Variants in SLC14A2 observed in about 807,000 individuals in gnomAD.
The protein encoded by SLC14A2 is urea transporter 2.
Under a neutral mutation model 104.6 loss-of-function variants are expected in SLC14A2, and 91 were observed. That is an observed-to-expected ratio of 0.87 (90% CI 0.73 to 1.04). The LOEUF is 1.04. Among genes scored for constraint, SLC14A2 ranks in the 50% least tolerant of loss-of-function variants. The probability of loss-of-function intolerance (pLI) is 0.00; values close to 1 mark genes in which losing one functional copy is unlikely to be tolerated. For missense variants in SLC14A2, 1,189 were observed against 1,156.0 expected, an observed-to-expected ratio of 1.03 and a Z score of -0.41; for synonymous variants, 476 against 466.4, an observed-to-expected ratio of 1.02 and a Z score of -0.27.
intron 1 of SLC14A2, among the ~76,000 whole-genome samples, chr18:45,327,577 C>T (rs569341881): frequency 3.9e-5 from 6 of 152,178 alleles, no homozygotes; most frequent in Admixed American, 1.3e-4. Context: ...TCTATTCTAC[C>T]TCTGTCTCTA....
At chr18:45,670,877 G>A (rs1246671926) in intron 16 of SLC14A2, among the ~76,000 whole-genome samples, 3 of 152,086 alleles carry the variant, frequency 2.0e-5, no homozygotes, top group South Asian at 2.1e-4. Flanking sequence ...TGCCCAGGCT[G>A]GTCTCAAACC....
In SLC14A2 at chr18:45,668,355, C is replaced by T. The variant is rs759490003; in HGVS notation, c.1914C>T (p.Ala638=). 5.6e-6 allele frequency: 9 copies of T among 1,613,954 alleles called. No homozygotes were observed. Among genetic ancestry groups the T allele is most frequent in the Non-Finnish European group, 7.6e-6 (9 of 1,180,002 alleles). ...ACCCTCCCTCTCCTGCCAGGTCGGC[C>T]ATCGCTGCAGGATTTCACGGCTACA... ...TALILSQDKS[A]IAAGFHGYNG... Residue 638 remains alanine, a synonymous_variant, in exon 15 of 20, where the codon GCC becomes GCT. Coordinates refer to ENST00000255226, the MANE Select transcript of SLC14A2 (RefSeq NM_007163.4).
At position 45,236,172 on chromosome 18, in the gene SLC14A2, TATAC is replaced by T. The variant is rs1262521228; in HGVS notation, c.-125+22985_-125+22988del. ...ATATATGTGTGTATATATGTGTATA[TATAC>T]ATATATGTGTGTATATATGTGTATA... On this transcript the variant is annotated intron_variant, in intron 1 of 20. Transcript: ENST00000586448. Among the ~76,000 whole-genome samples, 89 of 56,192 alleles carry T rather than the reference TATAC, an allele frequency of 1.6e-3. 3 individuals are homozygous for T. The highest frequency in any genetic ancestry group is 0.029 in the Middle Eastern group (1 of 34). 36.9% of individuals were successfully genotyped at this position (56,192 alleles called of 152,430 possible).
chr18:45,506,156 C>A (rs945185364), intron 2 of SLC14A2, among the ~76,000 whole-genome samples: 2 of 152,212 alleles, frequency 1.3e-5, no homozygotes, highest in African/African-American at 4.8e-5. Context: ...CCCCTCCCAG[C>A]TCTGACTCAC....
At chr18:45,655,882 A>G (rs2045827604) in intron 10 of SLC14A2, among the ~76,000 whole-genome samples, 1 of 152,206 alleles carries the variant, frequency 6.6e-6, no homozygotes, top group Non-Finnish European at 1.5e-5. Flanking sequence ...GAAGGCTCCA[A>G]CTGTCTGTAA....
At chr18:45,626,808 C>A in intron 3 of SLC14A2, 150 bp from the exon 4 acceptor site, 1 of 433,108 alleles carries the variant, frequency 2.3e-6, no homozygotes, top group Admixed American at 3.4e-5. Flanking sequence ...TCCCCTCTAC[C>A]CCCACCCCTC....
At chr18:45,216,172 A>G (rs1568104945) in intron 1 of SLC14A2, among the ~76,000 whole-genome samples, 1 of 152,204 alleles carries the variant, frequency 6.6e-6, no homozygotes, top group Non-Finnish European at 1.5e-5. Flanking sequence ...ATCAAGGCCA[A>G]TTCAATCTTC....
intron 1 of SLC14A2, among the ~76,000 whole-genome samples, chr18:45,386,502 TTC>T (rs546920733): frequency 1.4e-3 from 214 of 152,296 alleles, no homozygotes; most frequent in African/African-American, 4.8e-3. Flanking sequence ...TGTACCTGGA[TTC>T]TCTCTGTTCT....
chr18:45,214,796 C>T (rs1006458254), intron 1 of SLC14A2, among the ~76,000 whole-genome samples: 1 of 150,644 alleles, frequency 6.6e-6, no homozygotes, highest in African/African-American at 2.4e-5. Context: ...TAACAACAAA[C>T]ATTTATTGAA....
At chr18:45,180,793 T>C in the SLC14A2 span, among the ~76,000 whole-genome samples, 1 of 152,188 alleles carries the variant, frequency 6.6e-6, no homozygotes, top group Non-Finnish European at 1.5e-5. Flanking sequence ...CAGAACATGA[T>C]ATAATCCTTT....
intron 2 of SLC14A2, among the ~76,000 whole-genome samples, chr18:45,538,466 T>A (rs2043831294): frequency 1.3e-5 from 2 of 152,316 alleles, no homozygotes; most frequent in Admixed American, 1.3e-4. Flanking sequence ...GACTGGAGAA[T>A]CCACTCCTAA....
At chr18:45,571,089 T>G (rs1270693172) in intron 2 of SLC14A2, among the ~76,000 whole-genome samples, 5 of 152,348 alleles carry the variant, frequency 3.3e-5, no homozygotes, top group Non-Finnish European at 5.9e-5. Flanking sequence ...GTTTATTGGT[T>G]GATTCTCCTG....
intron 19 of SLC14A2, 86 bp downstream of exon 19, chr18:45,679,110 C>T (rs2046275270): frequency 8.3e-7 from 1 of 1,201,120 alleles, no homozygotes. Context: ...AACCTCTCTC[C>T]TCTAAGAACT....
At chr18:45,269,642 G>A (rs1009259681) in intron 1 of SLC14A2, among the ~76,000 whole-genome samples, 4 of 152,116 alleles carry the variant, frequency 2.6e-5, no homozygotes, top group African/African-American at 9.7e-5. Context: ...CAAGACCATA[G>A]CTGCTCATAA....
At chr18:45,310,599 G>C (rs190011105) in intron 1 of SLC14A2, among the ~76,000 whole-genome samples, 92 of 152,324 alleles carry the variant, frequency 6.0e-4, no homozygotes, top group African/African-American at 2.2e-3. Flanking sequence ...AGGTGCCATG[G>C]GGCATTGCTA....
chr18:45,334,258 C>T (rs553636209), intron 1 of SLC14A2, among the ~76,000 whole-genome samples: 1 of 152,150 alleles, frequency 6.6e-6, no homozygotes, highest in Non-Finnish European at 1.5e-5. Context: ...TTGCATTTTG[C>T]TTTGTCTATT....
At chr18:45,587,475 T>C (rs2044584055) in intron 2 of SLC14A2, among the ~76,000 whole-genome samples, 1 of 152,210 alleles carries the variant, frequency 6.6e-6, no homozygotes, top group Non-Finnish European at 1.5e-5. Context: ...TGTCTATTTT[T>C]TATCCCATGA....
chr18:45,452,657 G>A (rs1393020113), intron 1 of SLC14A2, among the ~76,000 whole-genome samples: 3 of 152,166 alleles, frequency 2.0e-5, no homozygotes, highest in Non-Finnish European at 4.4e-5. Context: ...AAAACGCCAT[G>A]CACTCACAAA....
At chr18:45,268,170 C>T (rs1374964494) in intron 1 of SLC14A2, among the ~76,000 whole-genome samples, 2 of 152,090 alleles carry the variant, frequency 1.3e-5, no homozygotes, top group African/African-American at 2.4e-5. Context: ...GTAAATCCCA[C>T]AGTAACTAGA....
Sources: allele counts gnomAD v4.1 joint callset (sites outside exome capture counted in the v4.1 genomes callset), GRCh38; gene constraint gnomAD v4.1.1; transcripts MANE v1.5; gene names NCBI Gene and HGNC (gene_info 2026-07-23, HGNC 2026-07-21).